SPATA17: variants seen among roughly 807,000 people sequenced by gnomAD.
SPATA17 encodes the protein spermatogenesis-associated protein 17.
A neutral mutation model predicts 62.2 loss-of-function variants in SPATA17; 53 were observed. That is an observed-to-expected ratio of 0.85 (90% CI 0.68 to 1.07). SPATA17 has a LOEUF of 1.07. Among genes scored for constraint, SPATA17 ranks in the 50% least tolerant of loss-of-function variants. The probability of loss-of-function intolerance (pLI) is 0.00; values close to 1 mark genes in which losing one functional copy is unlikely to be tolerated. For synonymous variants in SPATA17, 146 were observed against 146.8 expected (o/e 0.99, Z 0.04); for missense variants, 466 against 425.5 (o/e 1.10, Z -0.84).
chr1:217,817,576 A>T (rs12130344), intron 9 of SPATA17, among the ~76,000 whole-genome samples: 2 of 151,844 alleles, frequency 1.3e-5, no homozygotes, highest in African/African-American at 2.4e-5. Context: ...ATGAACTAAT[A>T]CAGATGGTGA....
chr1:217,655,111 A>T (rs531222489), intron 3 of SPATA17, among the ~76,000 whole-genome samples: 1 of 152,216 alleles, frequency 6.6e-6, no homozygotes, highest in Admixed American at 6.5e-5. Flanking sequence ...TTGTACCAGT[A>T]ATGTCATTTA....
At chr1:217,843,462 A>G (rs534903580) in intron 9 of SPATA17, among the ~76,000 whole-genome samples, 18 of 152,038 alleles carry the variant, frequency 1.2e-4, no homozygotes, top group Non-Finnish European at 2.2e-4. Flanking sequence ...ACAAAAAAAA[A>G]TGAAATTTTT....
At chr1:217,860,206 T>C (rs996462570) in intron 9 of SPATA17, among the ~76,000 whole-genome samples, 5 of 152,240 alleles carry the variant, frequency 3.3e-5, no homozygotes, top group African/African-American at 1.2e-4. Context: ...CTTTGAGATT[T>C]TCCAGCAATC....
At chr1:217,648,124 T>C (rs1670231469) in intron 1 of SPATA17, among the ~76,000 whole-genome samples, 1 of 152,200 alleles carries the variant, frequency 6.6e-6, no homozygotes, top group East Asian at 1.9e-4. Flanking sequence ...GGTCTTACAC[T>C]CTTAATTATT....
chr1:217,781,283 C>A (rs1054035336), intron 7 of SPATA17: 1 of 152,112 alleles, frequency 6.6e-6, no homozygotes, highest in Non-Finnish European at 1.5e-5. Flanking sequence ...TTAGTGATAA[C>A]CTATTTAAAG....
intron 5 of SPATA17, among the ~76,000 whole-genome samples, chr1:217,708,608 G>A (rs886895404): frequency 5.9e-5 from 9 of 151,882 alleles, no homozygotes; most frequent in Admixed American, 1.3e-4. Context: ...ATTTATTGCC[G>A]AATTTGATCA....
intron 4 of SPATA17, among the ~76,000 whole-genome samples, chr1:217,679,620 T>A (rs1671032077): frequency 6.6e-6 from 1 of 152,216 alleles, no homozygotes. Flanking sequence ...ATTACATTCT[T>A]TAATATCCAA....
rs116700512 is a variant in SPATA17, at chr1:217,853,006, G to A, written c.1006-9768G>A. On this transcript the variant is annotated intron_variant, in intron 9 of 10. Coordinates refer to ENST00000366933, the MANE Select transcript of SPATA17 (RefSeq NM_138796.4). ...TCCTCACTGGAGATTTAAGTTCCATGAAGTCAGGAATTTTTGCATGACTGG... is the reference window on the plus strand; with the variant it reads ...TCCTCACTGGAGATTTAAGTTCCATAAAGTCAGGAATTTTTGCATGACTGG... Among the ~76,000 whole-genome samples, 504 of 152,240 alleles carry A rather than the reference G, an allele frequency of 3.3e-3. 1 individual carries two copies. The highest frequency in any genetic ancestry group is 0.012 in the African/African-American group (482 of 41,542).
Position 217,669,037 on chromosome 1 carries a change from C to T in SPATA17, c.245C>T (p.Ala82Val). The T allele has an allele frequency of 1.2e-6, 2 of 1,610,752 alleles. No homozygotes were observed. Among genetic ancestry groups the T allele is most frequent in the Middle Eastern group, 1.8e-4 (1 of 5,702 alleles). The change falls in exon 4 of 11, where the codon GCA becomes GTA. Residue 82 changes from alanine (A) to valine (V), a missense_variant. Coordinates refer to ENST00000366933, the MANE Select transcript of SPATA17 (RefSeq NM_138796.4). ...TCTTTTTTTCTTGATTCACAGGTAG[C>T]ATATTATACTATGATGATGAATCTC... ...RKQYQLTVQV[A>V]YYTMMMNLYN...
chr1:217,788,005 G>A (rs1673910712), intron 8 of SPATA17, among the ~76,000 whole-genome samples: 1 of 152,046 alleles, frequency 6.6e-6, no homozygotes, highest in South Asian at 2.1e-4. Flanking sequence ...GATGAAATGG[G>A]GAAAAATGTT....
intron 9 of SPATA17, among the ~76,000 whole-genome samples, chr1:217,856,951 G>T (rs553792292): frequency 1.3e-5 from 2 of 152,232 alleles, no homozygotes; most frequent in South Asian, 4.2e-4. Context: ...GTCTCGTTCA[G>T]GATATAAGGA....
intron 9 of SPATA17, among the ~76,000 whole-genome samples, chr1:217,806,817 C>T (rs1203843376): frequency 6.6e-6 from 1 of 152,136 alleles, no homozygotes; most frequent in African/African-American, 2.4e-5. Flanking sequence ...TTCTTAAAAG[C>T]TCTGTCTCCA....
At chr1:217,763,513 T>C (rs1673222562) in intron 6 of SPATA17, among the ~76,000 whole-genome samples, 1 of 152,126 alleles carries the variant, frequency 6.6e-6, no homozygotes, top group Non-Finnish European at 1.5e-5. Context: ...AAAATGAGGT[T>C]GGAACAGAAA....
At chr1:217,835,998 T>G (rs1488841383) in intron 9 of SPATA17, among the ~76,000 whole-genome samples, 1 of 151,962 alleles carries the variant, frequency 6.6e-6, no homozygotes, top group Non-Finnish European at 1.5e-5. Context: ...ATGATTGTAC[T>G]CCCCACCTAA....
At chr1:217,778,218 A>T (rs1029188235) in intron 7 of SPATA17, among the ~76,000 whole-genome samples, 1 of 152,136 alleles carries the variant, frequency 6.6e-6, no homozygotes, top group African/African-American at 2.4e-5. Flanking sequence ...ATTTTTAATA[A>T]TCCACACTGC....
intron 5 of SPATA17, among the ~76,000 whole-genome samples, chr1:217,694,633 G>C (rs1176381452): frequency 1.3e-4 from 19 of 149,508 alleles, no homozygotes; most frequent in Non-Finnish European, 2.2e-4. Context: ...GCTGGTACCG[G>C]TTGTTCCTTT....
At chr1:217,663,608 C>CA (rs1470200367) in intron 3 of SPATA17, among the ~76,000 whole-genome samples, 3 of 152,040 alleles carry the variant, frequency 2.0e-5, no homozygotes, top group Non-Finnish European at 4.4e-5. Context: ...TGGAAAATAA[C>CA]AAAAACTCAG....
intron 9 of SPATA17, among the ~76,000 whole-genome samples, chr1:217,812,815 GC>G (rs1571822189): frequency 6.6e-6 from 1 of 152,086 alleles, no homozygotes; most frequent in South Asian, 2.1e-4. Context: ...ATATTCTAAA[GC>G]CTTTATCTGA....
chr1:217,725,169 A>C (rs533237177), intron 5 of SPATA17, among the ~76,000 whole-genome samples: 55 of 152,312 alleles, frequency 3.6e-4, no homozygotes, highest in African/African-American at 1.3e-3. Context: ...AAAATTTTTA[A>C]TGACCAACAA....
Sources: gnomAD v4.1 joint callset for allele counts (sites outside exome capture counted in the v4.1 genomes callset) on GRCh38, gnomAD v4.1.1 for gene constraint, MANE v1.5 for transcripts, NCBI Gene and HGNC (gene_info 2026-07-23, HGNC 2026-07-21) for gene names.